The following PBRM1 variants were observed in gnomAD, a reference collection of about 807,000 sequenced individuals.
PBRM1 encodes the protein protein polybromo-1.
PBRM1 carries 27 observed loss-of-function variants against 194.5 expected under a neutral mutation model. The observed-to-expected ratio is 0.14, with a 90% CI of 0.10 to 0.19. The LOEUF is 0.19. Ranked by LOEUF, PBRM1 falls within the 10% of genes least tolerant of loss-of-function variation. PBRM1 has a pLI of 1.00. For missense variants in PBRM1, 1,466 were observed against 2,077.2 expected (o/e 0.71, Z 5.72); for synonymous variants, 655 against 693.2 (o/e 0.94, Z 0.87).
chr3:52,571,958 C>T (rs7623199), intron 22 of PBRM1, among the ~76,000 whole-genome samples: 50,432 of 148,448 alleles, frequency 0.34, 9,491 homozygotes, highest in Admixed American at 0.46. Flanking sequence ...GGATTGCTTG[C>T]GCCCAGGAGT....
At chr3:52,595,997 T>C (rs2093498612) in intron 17 of PBRM1, among the ~76,000 whole-genome samples, 1 of 152,220 alleles carries the variant, frequency 6.6e-6, no homozygotes, top group East Asian at 1.9e-4. Flanking sequence ...TCCATTGGTA[T>C]ATTTGTCTGT....
chr3:52,680,545 G>C (rs1262930604), upstream of PBRM1, among the ~76,000 whole-genome samples: 1 of 152,146 alleles, frequency 6.6e-6, no homozygotes, highest in Non-Finnish European at 1.5e-5. Context: ...TGCAACCACT[G>C]AATGATCTGC....
chr3:52,622,042 T>G lies in PBRM1; in HGVS notation c.1542-4504A>C, dbSNP rs532125385. On this transcript the variant is annotated intron_variant, in intron 13 of 29. Transcript: ENST00000296302. ...GCCTGGGCAACAGAGTGAGACTGTC[T>G]CAAAAAAGACAAAAAGGCCAAGCAT... Among the ~76,000 whole-genome samples the G allele has an allele frequency of 8.6e-5, 13 of 151,240 alleles. No homozygotes were observed. In the East Asian group the frequency reaches 2.5e-3, roughly 29 times the overall value.
At position 52,550,651 on chromosome 3, in the gene PBRM1, G is replaced by A. The variant is rs773123199; in HGVS notation, c.4681-14C>T. The stretch of plus-strand genomic sequence containing the variant: ...CAAAACTCCCACCTGAAAGAGCACA[G>A]GACCACATGGTGAGGCAAAAAGAGA... On this transcript the variant is annotated splice_polypyrimidine_tract_variant and intron_variant, in intron 28 of 29. Transcript: ENST00000296302. 1.3e-5 allele frequency: 20 copies of A among 1,557,442 alleles called. No homozygotes were observed. Among genetic ancestry groups the A allele is most frequent in the Non-Finnish European group, 1.7e-6 (2 of 1,150,174 alleles).
chr3:52,679,433 T>A (rs533378898), intron 1 of PBRM1, 141 bp downstream of exon 2: 1 of 701,162 alleles, frequency 1.4e-6, no homozygotes, highest in South Asian at 1.9e-5. Context: ...GAATACATAA[T>A]GTTCATAAAA....
intron 11 of PBRM1, among the ~76,000 whole-genome samples, chr3:52,633,864 TGGTTGA>T (rs1291990175): frequency 6.6e-6 from 1 of 152,092 alleles, no homozygotes; most frequent in East Asian, 1.9e-4. Flanking sequence ...TTTTTTTTTG[TGGTTGA>T]GACGTCCTAC....
intron 18 of PBRM1, among the ~76,000 whole-genome samples, 181 bp downstream of exon 20, chr3:52,588,889 A>G (rs567643953): frequency 6.6e-6 from 1 of 152,256 alleles, no homozygotes; most frequent in East Asian, 1.9e-4. Flanking sequence ...CAACTGTGAC[A>G]CTTGCCCAAT....
chr3:52,636,757 C>CAA (rs567776784), intron 10 of PBRM1, among the ~76,000 whole-genome samples: 257 of 18,668 alleles, frequency 0.014, 54 homozygotes, highest in African/African-American at 0.033. Context: ...ACTCTGTCTC[C>CAA]AAAAAAAAAA....
At chr3:52,550,426 A>T (rs2153369228) in exon 29 of PBRM1, 2 of 1,446,108 alleles carry the variant, frequency 1.4e-6, no homozygotes, top group Non-Finnish European at 1.8e-6. Context: ...CTTACCTGCC[A>T]GTGTCTGATC....
intron 20 of PBRM1, among the ~76,000 whole-genome samples, chr3:52,580,832 T>A (rs1199944419): frequency 6.6e-6 from 1 of 152,184 alleles, no homozygotes; most frequent in Non-Finnish European, 1.5e-5. Context: ...ACATAATCCA[T>A]GCTCAAGTAC....
intron 3 of PBRM1, among the ~76,000 whole-genome samples, chr3:52,667,288 T>C (rs1191093279): frequency 6.6e-6 from 1 of 152,070 alleles, no homozygotes; most frequent in Admixed American, 6.6e-5. Context: ...TAAAGATTGA[T>C]AAATTTGATT....
exon 11 of PBRM1, chr3:52,634,622 G>A (rs17052357): frequency 0.037 from 60,106 of 1,606,562 alleles, 5,301 homozygotes; most frequent in African/African-American, 0.35. Context: ...GTAGTGATAT[G>A]GGCATTTTAA....
chr3:52,583,602 G>A (rs910397262), intron 20 of PBRM1, among the ~76,000 whole-genome samples: 2 of 151,778 alleles, frequency 1.3e-5, no homozygotes, highest in South Asian at 2.1e-4. Flanking sequence ...GCTCATTTTT[G>A]TAGTCCTACT....
At chr3:52,566,483 G>GAAT (rs1258348912) in intron 22 of PBRM1, among the ~76,000 whole-genome samples, 1 of 151,994 alleles carries the variant, frequency 6.6e-6, no homozygotes, top group Admixed American at 6.6e-5. Flanking sequence ...ACAGCCTTAG[G>GAAT]AATAAAATTC....
At chr3:52,636,428 T>C (rs897912785) in intron 10 of PBRM1, among the ~76,000 whole-genome samples, 1 of 152,022 alleles carries the variant, frequency 6.6e-6, no homozygotes, top group Admixed American at 6.6e-5. Context: ...AAACATATAG[T>C]TGCTATGTAC....
chr3:52,648,557 G>T, intron 6 of PBRM1, 115 bp from the exon 8 acceptor site: 1 of 570,994 alleles, frequency 1.8e-6, no homozygotes. Flanking sequence ...GACTTTATTG[G>T]AAAGTACACA....
downstream of PBRM1, chr3:52,546,900 A>C (rs540372165): frequency 5.4e-4 from 126 of 233,250 alleles, no homozygotes; most frequent in African/African-American, 2.5e-3. Flanking sequence ...GAAAGTATTA[A>C]ATTTCTGGTT....
chr3:52,584,856 T>C (rs1026560674), intron 20 of PBRM1, among the ~76,000 whole-genome samples: 1 of 152,164 alleles, frequency 6.6e-6, no homozygotes. Flanking sequence ...TAAGCCCCTT[T>C]GTCCAGTGTG....
chr3:52,640,606 T>C (rs1489455530), intron 10 of PBRM1, among the ~76,000 whole-genome samples: 1 of 151,582 alleles, frequency 6.6e-6, no homozygotes, highest in African/African-American at 2.4e-5. Context: ...TCTTATGTTT[T>C]TATATTTGAT....
Sources: allele counts gnomAD v4.1 joint callset (sites outside exome capture counted in the v4.1 genomes callset), GRCh38; gene constraint gnomAD v4.1.1; transcripts MANE v1.5; gene names NCBI Gene and HGNC (gene_info 2026-07-23, HGNC 2026-07-21).